STPG2: variants seen among roughly 807,000 people sequenced by gnomAD.
The protein encoded by STPG2 is sperm tail PG-rich repeat containing 2.
Under a neutral mutation model 54.2 loss-of-function variants are expected in STPG2, and 56 were observed. That is an observed-to-expected ratio of 1.03 (90% confidence interval 0.83 to 1.29). STPG2 has a LOEUF of 1.29. Among genes scored for constraint, STPG2 ranks in the 50% most tolerant of loss-of-function variants. The pLI, the probability that STPG2 is intolerant of heterozygous loss-of-function variation, is 0.00. For missense variants in STPG2, 596 were observed against 544.9 expected (o/e 1.09, Z -0.93); for synonymous variants, 200 against 181.8 (o/e 1.10, Z -0.81).
chr4:97,502,507 A>G (rs1730747340), intron 4 of STPG2, among the ~76,000 whole-genome samples: 1 of 152,150 alleles, frequency 6.6e-6, no homozygotes, highest in East Asian at 1.9e-4. Flanking sequence ...ACAGGAGACA[A>G]CTTAAAAGAG....
At chr4:97,870,229 C>A (rs1729937336) in intron 8 of STPG2, among the ~76,000 whole-genome samples, 1 of 151,254 alleles carries the variant, frequency 6.6e-6, no homozygotes, top group Non-Finnish European at 1.5e-5. Context: ...AAGGTATGGA[C>A]AGGAAAAAGA....
At chr4:97,591,079 G>A (rs920447896) in intron 10 of STPG2, among the ~76,000 whole-genome samples, 3 of 152,090 alleles carry the variant, frequency 2.0e-5, no homozygotes, top group Non-Finnish European at 4.4e-5. Context: ...AACCCTGCAA[G>A]TTCTTCACAG....
At position 98,103,922 on chromosome 4, in the gene STPG2, A is replaced by G. The variant is rs756923906; in HGVS notation, c.612+2031T>C. Among the ~76,000 whole-genome samples, 28 of 152,122 alleles carry G rather than the reference A, an allele frequency of 1.8e-4. 1 individual carries two copies. Among genetic ancestry groups the G allele is most frequent in the Non-Finnish European group, 3.5e-4 (24 of 68,008 alleles). On this transcript the variant is annotated intron_variant, in intron 5 of 10. Transcript: ENST00000295268. ...GACTGCCAAATCAGTATCTCTACCCATAATTTCTATTACAAATTCTATTTT... is the reference window on the plus strand; with the variant it reads ...GACTGCCAAATCAGTATCTCTACCCGTAATTTCTATTACAAATTCTATTTT...
In STPG2 at chr4:98,055,327, G is replaced by A. The variant is rs111544060; in HGVS notation, c.612+50626C>T. Among the ~76,000 whole-genome samples the A allele has an allele frequency of 5.9e-3, 890 of 152,032 alleles. 6 individuals carry two copies. Among genetic ancestry groups the A allele is most frequent in the Middle Eastern group, 0.02 (6 of 294 alleles). ...GCAGACAAGTGAAACAGCTCCCATG[G>A]AGGGACTGAGATGACTGCCATGTTT... On this transcript the variant is annotated intron_variant, in intron 5 of 10. Coordinates refer to ENST00000295268, the MANE Select transcript of STPG2 (RefSeq NM_174952.3).
chr4:98,115,286 TC>T (rs1195603443), intron 3 of STPG2, among the ~76,000 whole-genome samples: 1 of 151,930 alleles, frequency 6.6e-6, no homozygotes, highest in East Asian at 1.9e-4. Flanking sequence ...CACAGGTAGT[TC>T]CCAGCATGTT....
At chr4:97,615,817 C>G (rs1341507454) in intron 10 of STPG2, among the ~76,000 whole-genome samples, 1 of 151,016 alleles carries the variant, frequency 6.6e-6, no homozygotes, top group Non-Finnish European at 1.5e-5. Context: ...CAGGTGATCA[C>G]TTAAGGTCAG....
rs112688821 is a variant in STPG2 at position 97,934,709 on chromosome 4, C to T, written c.1044+9188G>A. Among the ~76,000 whole-genome samples, 379 of 152,170 alleles carry T rather than the reference C, an allele frequency of 2.5e-3. 2 individuals are homozygous for T. The highest frequency in any genetic ancestry group is 8.8e-3 in the African/African-American group (367 of 41,516). ...CAGCCCTGAATCCCAGGGATGAAGCCGACATGACCGTTGTGGATAAGCTTT... is the reference window on the plus strand; with the variant it reads ...CAGCCCTGAATCCCAGGGATGAAGCTGACATGACCGTTGTGGATAAGCTTT... On this transcript the variant is annotated intron_variant, in intron 8 of 10. Transcript: ENST00000295268.
At chr4:98,119,235 C>A (rs986306523) in intron 3 of STPG2, among the ~76,000 whole-genome samples, 5 of 151,948 alleles carry the variant, frequency 3.3e-5, no homozygotes, top group African/African-American at 1.2e-4. Flanking sequence ...AGATAAATAC[C>A]TTGTTACTCT....
At chr4:97,921,422 T>G (rs1732102444) in intron 8 of STPG2, among the ~76,000 whole-genome samples, 1 of 151,714 alleles carries the variant, frequency 6.6e-6, no homozygotes, top group African/African-American at 2.4e-5. Flanking sequence ...AGTAAAACAA[T>G]ATGGAAACAA....
At chr4:97,691,576 T>C (rs1256131259) in intron 10 of STPG2, among the ~76,000 whole-genome samples, 1 of 152,092 alleles carries the variant, frequency 6.6e-6, no homozygotes, top group East Asian at 1.9e-4. Flanking sequence ...CTCCACCTGA[T>C]GATCTTTCTC....
chr4:97,612,470 T>C (rs1352390044), intron 10 of STPG2, among the ~76,000 whole-genome samples: 1 of 152,060 alleles, frequency 6.6e-6, no homozygotes, highest in African/African-American at 2.4e-5. Context: ...CTCTTGCAAA[T>C]AGGTGTACCA....
chr4:97,844,126 C>T (rs1178354906), intron 8 of STPG2, among the ~76,000 whole-genome samples: 4 of 151,752 alleles, frequency 2.6e-5, no homozygotes, highest in African/African-American at 9.7e-5. Context: ...CAGAATTTTT[C>T]AATTTCATTC....
In STPG2 at chr4:97,567,389, C is replaced by T. The variant is rs981200901; in HGVS notation, c.1321-8272G>A. Reference sequence around the variant, plus strand: ...GTGAGAATGCAAATTGGTGCAATCCCGAAATAGAGGAATTTAGCAATATCT... The same window carrying T: ...GTGAGAATGCAAATTGGTGCAATCCTGAAATAGAGGAATTTAGCAATATCT... On this transcript the variant is annotated intron_variant, in intron 10 of 10. Coordinates refer to ENST00000295268, the MANE Select transcript of STPG2 (RefSeq NM_174952.3). Among the ~76,000 whole-genome samples the T allele has an allele frequency of 1.9e-4, 29 of 149,946 alleles. 1 individual carries two copies. The highest frequency in any genetic ancestry group is 3.5e-3 in the Middle Eastern group (1 of 284).
At chr4:97,727,759 T>C (rs1401961108) in intron 9 of STPG2, among the ~76,000 whole-genome samples, 4 of 151,902 alleles carry the variant, frequency 2.6e-5, no homozygotes, top group African/African-American at 9.6e-5. Flanking sequence ...AAACTAGTGT[T>C]TGTGTAAATT....
At chr4:98,091,596 T>C (rs573450836) in intron 5 of STPG2, among the ~76,000 whole-genome samples, 1 of 152,106 alleles carries the variant, frequency 6.6e-6, no homozygotes, top group East Asian at 1.9e-4. Flanking sequence ...GTTTAGATAT[T>C]TGTATCTTCC....
chr4:97,878,589 G>A (rs1730261851), intron 8 of STPG2, among the ~76,000 whole-genome samples: 3 of 152,168 alleles, frequency 2.0e-5, no homozygotes, highest in Admixed American at 2.0e-4. Context: ...CATGGCTACA[G>A]CAGCTGGGAC....
chr4:97,474,349 G>T (rs911572547), intron 4 of STPG2, among the ~76,000 whole-genome samples: 1 of 152,132 alleles, frequency 6.6e-6, no homozygotes, highest in Non-Finnish European at 1.5e-5. Context: ...GGTCAAGGCT[G>T]AAATGAGAAC....
intron 8 of STPG2, among the ~76,000 whole-genome samples, chr4:97,886,180 C>A (rs939243741): frequency 1.3e-5 from 2 of 152,032 alleles, no homozygotes; most frequent in Admixed American, 6.6e-5. Flanking sequence ...GGAAAATCTT[C>A]CTAGAGTGGC....
chr4:97,924,477 T>A (rs1373800023), intron 8 of STPG2, among the ~76,000 whole-genome samples: 1 of 152,242 alleles, frequency 6.6e-6, no homozygotes, highest in Non-Finnish European at 1.5e-5. Context: ...AATTTTAATA[T>A]TCTGAATTGG....
Sources: gnomAD v4.1 joint callset for allele counts (sites outside exome capture counted in the v4.1 genomes callset) on GRCh38, gnomAD v4.1.1 for gene constraint, MANE v1.5 for transcripts, NCBI Gene and HGNC (gene_info 2026-07-23, HGNC 2026-07-21) for gene names.